Variants in ST3GAL4 observed in about 807,000 individuals in gnomAD.
ST3GAL4 encodes CMP-N-acetylneuraminate-beta-galactosamide-alpha-2,3-sialyltransferase 4.
ST3GAL4 carries 24 observed loss-of-function variants against 42.6 expected under a neutral mutation model. That is an observed-to-expected ratio of 0.56 (90% CI 0.41 to 0.79). The LOEUF is 0.79. Among genes scored for constraint, ST3GAL4 ranks in the 30% least tolerant of loss-of-function variants. The pLI is 0.00. For missense variants in ST3GAL4, 311 were observed against 430.8 expected, an observed-to-expected ratio of 0.72 and a Z score of 2.46; for synonymous variants, 135 against 163.2, an observed-to-expected ratio of 0.83 and a Z score of 1.32.
chr11:126,413,235 T>G (rs998133517), intron 9 of ST3GAL4, among the ~76,000 whole-genome samples: 3 of 152,238 alleles, frequency 2.0e-5, no homozygotes, highest in Non-Finnish European at 2.9e-5. Flanking sequence ...CCTCCTGAGT[T>G]GCTGGAACTA....
chr11:126,400,532 G>A lies in ST3GAL4; in HGVS notation c.-60-5564G>A, dbSNP rs1953954969. On this transcript the variant is annotated intron_variant, in intron 1 of 10. Transcript: ENST00000444328. The surrounding 1 kb of genome is among the most constrained non-coding windows in gnomAD (Gnocchi z 4.6). ...AAGGTGGCTCCCTTAGTGTGCTTGG[G>A]AGGAGGGTAAGAGATGCGTTTGCAG... 6.6e-6 allele frequency among the ~76,000 whole-genome samples: 1 copy of A among 152,240 alleles called. No individual in the cohort carries two copies. The highest frequency in any genetic ancestry group is 2.4e-5 in the African/African-American group (1 of 41,468).
At chr11:126,407,754 C>A in intron 6 of ST3GAL4, 120 bp downstream of exon 6, 1 of 1,101,824 alleles carries the variant, frequency 9.1e-7, no homozygotes, top group Non-Finnish European at 1.3e-6. Flanking sequence ...CCATCCCAGC[C>A]AATTCTCATG....
intron 9 of ST3GAL4, chr11:126,413,248 G>A: frequency 3.0e-6 from 1 of 329,014 alleles, no homozygotes. Context: ...TGGAACTATG[G>A]GCATATGCAC....
intron 1 of ST3GAL4, among the ~76,000 whole-genome samples, chr11:126,385,051 A>G (rs1953171446): frequency 6.6e-6 from 1 of 152,126 alleles, no homozygotes; most frequent in Non-Finnish European, 1.5e-5. Context: ...ATATGTTTTG[A>G]GACTCAGGAC....
rs1265759749 is a variant in ST3GAL4, at chr11:126,413,943, C to T, written c.916-18C>T. 8 of 1,613,890 alleles carry T rather than the reference C, an allele frequency of 5.0e-6. No homozygotes were observed. The highest frequency in any genetic ancestry group is 4.5e-5 in the East Asian group (2 of 44,884). ...TCCCTGGGAGTCCCTCAGTTTATTT[C>T]CTTGGCTGTCTCCACAGGGGTCAGG... On this transcript the variant is annotated intron_variant, in intron 10 of 10. Transcript: ENST00000444328.
In ST3GAL4 at chr11:126,379,904, T is replaced by A. The variant is rs924037923; in HGVS notation, c.-61+24062T>A. On this transcript the variant is annotated intron_variant, in intron 1 of 10. Coordinates refer to ENST00000444328, the MANE Select transcript of ST3GAL4 (RefSeq NM_001254757.2). The surrounding 1 kb of genome is among the most constrained non-coding windows in gnomAD (Gnocchi z 4.2). ...ATTTTGCTACGGTGAGAATAGTAAC[T>A]GAAACTGGTGTAGTGTCTTTCAATG... 6.6e-6 allele frequency among the ~76,000 whole-genome samples: 1 copy of A among 152,178 alleles called. No individual in the cohort carries two copies. Among genetic ancestry groups the A allele is most frequent in the African/African-American group, 2.4e-5 (1 of 41,444 alleles).
Position 126,411,496 on chromosome 11 carries a change from A to G in ST3GAL4, c.772-2009A>G, listed in dbSNP as rs1236491042. Among the ~76,000 whole-genome samples, 1 of 151,882 alleles carries G rather than the reference A, an allele frequency of 6.6e-6. No individual in the cohort carries two copies. Among genetic ancestry groups the G allele is most frequent in the African/African-American group, 2.4e-5 (1 of 41,336 alleles). ...CACAAGTTTAGCCGGCTAAAACAATACCCATGTACTGGCTCATGGTCCTGT... is the reference window on the plus strand; with the variant it reads ...CACAAGTTTAGCCGGCTAAAACAATGCCCATGTACTGGCTCATGGTCCTGT... On this transcript the variant is annotated intron_variant, in intron 9 of 10. Transcript: ENST00000444328. This position sits in a 1 kb window ranked among gnomAD's most constrained non-coding sequence, Gnocchi z 6.3.
intron 1 of ST3GAL4, among the ~76,000 whole-genome samples, chr11:126,401,252 G>A (rs1363964619): frequency 6.6e-6 from 1 of 152,024 alleles, no homozygotes; most frequent in Non-Finnish European, 1.5e-5. Context: ...CGAGGTTCAA[G>A]GACAGTGCCC....
rs1291131855 is a variant in ST3GAL4, at chr11:126,414,620, T to A, written c.*573T>A. The A allele has an allele frequency of 6.5e-6, 1 of 154,946 alleles. No individual in the cohort carries two copies. The highest frequency in any genetic ancestry group is 1.4e-5 in the Non-Finnish European group (1 of 69,754). 9.6% of individuals were successfully genotyped at this position (154,946 alleles called of 1,614,324 possible). On this transcript the variant is annotated 3_prime_UTR_variant, in exon 11 of 11. Transcript: ENST00000444328. ...AGAGGTTACAAACCTACCATTAAAC[T>A]ATTTTTCCTAAAACGGAAGCAGTTG... is the stretch of plus-strand genomic sequence containing the variant.
chr11:126,374,045 A>G (rs1952746785), intron 1 of ST3GAL4, among the ~76,000 whole-genome samples: 2 of 152,146 alleles, frequency 1.3e-5, no homozygotes, highest in South Asian at 4.1e-4. Flanking sequence ...TATTGTCAAC[A>G]TGGGTAATAC....
intron 1 of ST3GAL4, among the ~76,000 whole-genome samples, chr11:126,361,211 C>G (rs917638074): frequency 6.6e-6 from 1 of 152,224 alleles, no homozygotes; most frequent in Non-Finnish European, 1.5e-5. Flanking sequence ...GTGGAACCCT[C>G]ACTTGGGTCC....
chr11:126,380,254 T>C (rs1952946897), intron 1 of ST3GAL4, among the ~76,000 whole-genome samples: 1 of 149,060 alleles, frequency 6.7e-6, no homozygotes, highest in Non-Finnish European at 1.5e-5. Context: ...ACAGCGAGAC[T>C]GTATCAAAAA....
rs577775953 is a variant in ST3GAL4, at chr11:126,366,533, T to G, written c.-61+10691T>G. ...TGCTTTCCTCACCCCGCTTCCCACG[T>G]CTTCATTGAGTCCTCATCTGGGGGC... On this transcript the variant is annotated intron_variant, in intron 1 of 10. Transcript: ENST00000444328. This position sits in a 1 kb window ranked among gnomAD's most constrained non-coding sequence, Gnocchi z 4.2. 6.6e-5 allele frequency among the ~76,000 whole-genome samples: 10 copies of G among 152,234 alleles called. No individual in the cohort carries two copies. The South Asian group carries it at 1.9e-3, about 28-fold the overall frequency.
At position 126,379,931 on chromosome 11, in the gene ST3GAL4, G is replaced by A. The variant is rs1952936413; in HGVS notation, c.-61+24089G>A. Among the ~76,000 whole-genome samples, 1 of 152,060 alleles carries A rather than the reference G, an allele frequency of 6.6e-6. No homozygotes were observed. The highest frequency in any genetic ancestry group is 2.4e-5 in the African/African-American group (1 of 41,404). On this transcript the variant is annotated intron_variant, in intron 1 of 10. Transcript: ENST00000444328. The surrounding 1 kb of genome is among the most constrained non-coding windows in gnomAD (Gnocchi z 4.2). ...AAACTGGTGTAGTGTCTTTCAATGGGGCTCAAGGGCAGTTGTTCTCTGCTG... is the reference window on the plus strand; with the variant it reads ...AAACTGGTGTAGTGTCTTTCAATGGAGCTCAAGGGCAGTTGTTCTCTGCTG...
In ST3GAL4 at chr11:126,411,317, TG is replaced by T. The variant is rs1954514106; in HGVS notation, c.771+1907del. 6.6e-6 allele frequency among the ~76,000 whole-genome samples: 1 copy of T among 152,066 alleles called. No homozygotes were observed. On this transcript the variant is annotated intron_variant, in intron 9 of 10. Coordinates refer to ENST00000444328, the MANE Select transcript of ST3GAL4 (RefSeq NM_001254757.2). This position sits in a 1 kb window ranked among gnomAD's most constrained non-coding sequence, Gnocchi z 6.3. ...TGTACCACCACACCTGGCTAATTTT[TG>T]TATTTTTACGAAAATACAAAACACA...
intron 1 of ST3GAL4, among the ~76,000 whole-genome samples, chr11:126,356,994 C>T (rs1049054263): frequency 4.6e-5 from 7 of 152,200 alleles, no homozygotes; most frequent in African/African-American, 1.4e-4. Context: ...CTTTGAAAGG[C>T]GCCTGCACGG....
chr11:126,385,570 G>T (rs1043783865), intron 1 of ST3GAL4, among the ~76,000 whole-genome samples: 8 of 152,132 alleles, frequency 5.3e-5, no homozygotes, highest in Admixed American at 3.3e-4. Flanking sequence ...TTTTCGACCT[G>T]TCTGATTTTG....
rs921435802 is a variant in ST3GAL4 at position 126,398,825 on chromosome 11, C to T, written c.-60-7271C>T. ...ACTTGCACCTTCTAGAATGGTAGGTCAAGCTGCACCTGGGCCCATTTAAGC... is the reference window on the plus strand; with the variant it reads ...ACTTGCACCTTCTAGAATGGTAGGTTAAGCTGCACCTGGGCCCATTTAAGC... On this transcript the variant is annotated intron_variant, in intron 1 of 10. Transcript: ENST00000444328. The surrounding 1 kb of genome is among the most constrained non-coding windows in gnomAD (Gnocchi z 4.7). 7.9e-5 allele frequency among the ~76,000 whole-genome samples: 12 copies of T among 152,176 alleles called. No homozygotes were observed. Among genetic ancestry groups the T allele is most frequent in the African/African-American group, 2.9e-4 (12 of 41,438 alleles).
At chr11:126,407,656 A>C in intron 6 of ST3GAL4, 22 bp downstream of exon 6, 8 of 1,613,192 alleles carry the variant, frequency 5.0e-6, no homozygotes, top group Non-Finnish European at 5.9e-6. Context: ...CTCCGACTCC[A>C]GTCTGGGCAC....
Sources: allele counts gnomAD v4.1 joint callset (sites outside exome capture counted in the v4.1 genomes callset), GRCh38; gene constraint gnomAD v4.1.1; non-coding constraint Gnocchi (gnomAD v3.1); transcripts MANE v1.5; gene names NCBI Gene and HGNC (gene_info 2026-07-23, HGNC 2026-07-21).